The following LIMA1 variants were observed in gnomAD, a reference collection of about 807,000 sequenced individuals.
LIMA1 encodes the protein LIM domain and actin-binding protein 1.
LIMA1 carries 52 observed loss-of-function variants against 62.6 expected under a neutral mutation model. That is an observed-to-expected ratio of 0.83 (90% CI 0.67 to 1.05). The LOEUF (loss-of-function observed/expected upper bound fraction) is 1.05. Ranked by LOEUF, LIMA1 falls within the 50% of genes least tolerant of loss-of-function variation. The probability of loss-of-function intolerance (pLI) is 0.00; values close to 1 mark genes in which losing one functional copy is unlikely to be tolerated. For missense variants in LIMA1, 780 were observed against 902.2 expected (o/e 0.86, Z 1.74); for synonymous variants, 302 against 317.8 (o/e 0.95, Z 0.53).
chr12:50,262,622 G>A (rs916413619), intron 1 of LIMA1, among the ~76,000 whole-genome samples: 2 of 143,330 alleles, frequency 1.4e-5, no homozygotes, highest in African/African-American at 5.3e-5. Flanking sequence ...AAAAAATAAA[G>A]TAAAATAAAA....
chr12:50,225,161 C>G (rs1325072059), intron 3 of LIMA1, among the ~76,000 whole-genome samples: 1 of 152,106 alleles, frequency 6.6e-6, no homozygotes, highest in African/African-American at 2.4e-5. Context: ...CTCGGCCTCC[C>G]AAAGTGCTGG....
At chr12:50,260,415 C>T (rs1198394889) in intron 1 of LIMA1, among the ~76,000 whole-genome samples, 1 of 152,184 alleles carries the variant, frequency 6.6e-6, no homozygotes, top group Non-Finnish European at 1.5e-5. Context: ...TCCCAAAGTG[C>T]TGGGATTAGA....
At chr12:50,224,311 G>A (rs1302248688) in intron 3 of LIMA1, 1 of 152,114 alleles carries the variant, frequency 6.6e-6, no homozygotes, top group East Asian at 1.9e-4. Flanking sequence ...GTAGAAATAA[G>A]GCTTGAAAAG....
intron 5 of LIMA1, 116 bp downstream of exon 5, chr12:50,205,868 A>C (rs578011842): frequency 1.7e-4 from 97 of 580,248 alleles, no homozygotes; most frequent in African/African-American, 1.2e-3. Flanking sequence ...TAATAGGCAG[A>C]CTTCCTTTTA....
intron 1 of LIMA1, among the ~76,000 whole-genome samples, chr12:50,257,490 C>T (rs1295488307): frequency 6.6e-6 from 1 of 152,158 alleles, no homozygotes; most frequent in Non-Finnish European, 1.5e-5. Context: ...GGCAGTCACA[C>T]CAGCAGTGTT....
rs1231086329 is a variant in LIMA1, at chr12:50,193,995, A to AT, written c.1031-1435dup. Among the ~76,000 whole-genome samples, 113 of 135,754 alleles carry AT rather than the reference A, an allele frequency of 8.3e-4. 1 individual carries two copies. Among genetic ancestry groups the AT allele is most frequent in the Admixed American group, 6.4e-3 (86 of 13,516 alleles). 89.1% of individuals were successfully genotyped at this position (135,754 alleles called of 152,430 possible). A position where few individuals can be genotyped will look rare whatever the true frequency, so the allele number is the denominator to read the frequency against. On this transcript the variant is annotated intron_variant, in intron 8 of 10. Coordinates refer to ENST00000341247, the MANE Select transcript of LIMA1 (RefSeq NM_016357.5). ...TATATATACATATATATATATATAT[A>AT]TATTTTTTTTGAGATGGATTTTCAC...
chr12:50,225,146 C>T (rs1034151493), intron 3 of LIMA1, among the ~76,000 whole-genome samples: 1 of 152,114 alleles, frequency 6.6e-6, no homozygotes, highest in Non-Finnish European at 1.5e-5. Context: ...AGGTGATCTG[C>T]CTGCCTCGGC....
chr12:50,234,845 C>T (rs928290570), intron 2 of LIMA1, among the ~76,000 whole-genome samples: 1 of 152,102 alleles, frequency 6.6e-6, no homozygotes, highest in Non-Finnish European at 1.5e-5. Flanking sequence ...AAAACCCTGT[C>T]TCTACGAAAA....
chr12:50,254,066 C>T (rs1941963672), intron 1 of LIMA1, among the ~76,000 whole-genome samples: 1 of 151,262 alleles, frequency 6.6e-6, no homozygotes, highest in Non-Finnish European at 1.5e-5. Context: ...TATTATCTCT[C>T]CCCACCCACA....
Position 50,177,026 on chromosome 12 carries a change from ACT to A in LIMA1, c.*36_*37del. The A allele has an allele frequency of 3.4e-6, 5 of 1,487,010 alleles. No homozygotes were observed. Among genetic ancestry groups the A allele is most frequent in the Non-Finnish European group, 3.6e-6 (4 of 1,116,046 alleles). The allele number at this position is 1,487,010 out of a possible 1,614,324, so 92.1% of individuals were successfully genotyped here. ...TGACAAAGGGCAGTGGCTCGCTAAC[ACT>A]AACATGAATTTAAGGCCCAGCATCA... On this transcript the variant is annotated 3_prime_UTR_variant, in exon 11 of 11. Transcript: ENST00000341247.
intron 1 of LIMA1, among the ~76,000 whole-genome samples, chr12:50,279,685 G>C (rs1320473519): frequency 6.6e-6 from 1 of 152,176 alleles, no homozygotes; most frequent in African/African-American, 2.4e-5. Context: ...AACTAGACAA[G>C]TTGTTCACTT....
At chr12:50,209,966 CTTTTTA>C (rs1941224862) in intron 4 of LIMA1, among the ~76,000 whole-genome samples, 2 of 152,172 alleles carry the variant, frequency 1.3e-5, no homozygotes, top group Non-Finnish European at 2.9e-5. Context: ...CCTGGCCCAC[CTTTTTA>C]TTTTGTTTTC....
Position 50,279,226 on chromosome 12 carries a change from G to A in LIMA1, c.-24+4194C>T, listed in dbSNP as rs1173738749. 4.0e-5 allele frequency among the ~76,000 whole-genome samples: 6 copies of A among 150,882 alleles called. No individual in the cohort carries two copies. In the East Asian group the frequency reaches 9.7e-4, roughly 24 times the overall value. Reference sequence around the variant, plus strand: ...TCACTATGTTGGCCAGGCTGGTCTCGAACTCCTGACCTCAAGTGATCACCC... The same window carrying A: ...TCACTATGTTGGCCAGGCTGGTCTCAAACTCCTGACCTCAAGTGATCACCC... On this transcript the variant is annotated intron_variant, in intron 1 of 10. Transcript: ENST00000341247.
At chr12:50,245,218 C>A (rs1941831174) in intron 2 of LIMA1, among the ~76,000 whole-genome samples, 1 of 151,516 alleles carries the variant, frequency 6.6e-6, no homozygotes, top group Admixed American at 6.6e-5. Flanking sequence ...AGTTCAAGAC[C>A]AGCCTGGGCA....
intron 1 of LIMA1, among the ~76,000 whole-genome samples, chr12:50,279,768 C>T (rs1565867989): frequency 6.6e-6 from 1 of 152,170 alleles, no homozygotes; most frequent in Non-Finnish European, 1.5e-5. Context: ...AGACAGCTTT[C>T]CTGTAGTGCT....
chr12:50,235,318 T>G lies in LIMA1; in HGVS notation c.120-3608A>C, dbSNP rs1350967753. Among the ~76,000 whole-genome samples, 8 of 143,708 alleles carry G rather than the reference T, an allele frequency of 5.6e-5. No individual in the cohort carries two copies. The Admixed American group carries it at 5.7e-4, about 10-fold the overall frequency. 94.3% of individuals were successfully genotyped at this position (143,708 alleles called of 152,430 possible). ...TTTTGAGAAGGAGTCCTGCTCAGTC[T>G]CCTAGGCTGGAGTATAGTGGTGTAA... On this transcript the variant is annotated intron_variant, in intron 2 of 10. Transcript: ENST00000341247.
At chr12:50,215,197 A>G (rs1941322501) in intron 4 of LIMA1, among the ~76,000 whole-genome samples, 1 of 152,218 alleles carries the variant, frequency 6.6e-6, no homozygotes, top group African/African-American at 2.4e-5. Flanking sequence ...ATGCAAAACT[A>G]AACAAAATAC....
At chr12:50,241,067 A>G (rs144316228) in intron 2 of LIMA1, among the ~76,000 whole-genome samples, 108 of 152,296 alleles carry the variant, frequency 7.1e-4, no homozygotes, top group African/African-American at 2.5e-3. Flanking sequence ...AATCTTGACA[A>G]TCCTCTCTCA....
intron 3 of LIMA1, among the ~76,000 whole-genome samples, chr12:50,224,984 C>T (rs910962456): frequency 1.3e-5 from 2 of 149,866 alleles, no homozygotes; most frequent in Non-Finnish European, 3.0e-5. Flanking sequence ...CTCACTGCAA[C>T]CTCGGCCTCC....
Sources: allele counts gnomAD v4.1 joint callset (sites outside exome capture counted in the v4.1 genomes callset), GRCh38; gene constraint gnomAD v4.1.1; transcripts MANE v1.5; gene names NCBI Gene and HGNC (gene_info 2026-07-23, HGNC 2026-07-21).